The following EBF1 variants were observed in gnomAD, a reference collection of about 807,000 sequenced individuals.
EBF1 encodes transcription factor COE1.
EBF1 carries 10 observed loss-of-function variants against 68.4 expected under a neutral mutation model. The observed-to-expected ratio is 0.15, with a 90% CI of 0.09 to 0.25. The LOEUF (loss-of-function observed/expected upper bound fraction) is 0.25, where lower values mean the gene tolerates loss of function less well. EBF1 is among the 10% of genes least tolerant of loss of function. The pLI is 1.00. For synonymous variants in EBF1, 298 were observed against 299.8 expected (o/e 0.99, Z 0.06); for missense variants, 509 against 794.4 (o/e 0.64, Z 4.32).
intron 6 of EBF1, among the ~76,000 whole-genome samples, chr5:158,871,109 T>A (rs1796792402): frequency 6.6e-6 from 1 of 152,148 alleles, no homozygotes; most frequent in South Asian, 2.1e-4. Context: ...CAGCACACAT[T>A]CTAGAAAAGA....
Position 158,754,440 on chromosome 5 carries a change from G to A in EBF1, c.1036+22973C>T, listed in dbSNP as rs1023592708. On this transcript the variant is annotated intron_variant, in intron 10 of 15. Coordinates refer to ENST00000313708, the MANE Select transcript of EBF1 (RefSeq NM_024007.5). ...GCTCAACTGACAGTGCAGCCTGATC[G>A]CCACGATGTTGCAATAGAAGGAAAG... Among the ~76,000 whole-genome samples, 13 of 152,066 alleles carry A rather than the reference G, an allele frequency of 8.5e-5. No individual in the cohort carries two copies. In the East Asian group the frequency reaches 1.9e-3, roughly 23 times the overall value.
intron 6 of EBF1, among the ~76,000 whole-genome samples, chr5:158,876,682 T>C (rs1385891709): frequency 6.6e-6 from 1 of 152,206 alleles, no homozygotes. Context: ...TTGTGTTCAA[T>C]TTGGAGGCAT....
chr5:158,791,663 C>T (rs1778631370), intron 9 of EBF1, among the ~76,000 whole-genome samples: 1 of 151,952 alleles, frequency 6.6e-6, no homozygotes, highest in East Asian at 1.9e-4. Context: ...CCTAACATAC[C>T]TAACACAGAG....
intron 6 of EBF1, among the ~76,000 whole-genome samples, chr5:159,070,787 G>A (rs959828571): frequency 1.3e-5 from 2 of 152,158 alleles, no homozygotes; most frequent in Non-Finnish European, 2.9e-5. Flanking sequence ...TTTGAAAACA[G>A]TTACTATTGC....
intron 6 of EBF1, among the ~76,000 whole-genome samples, chr5:158,905,306 A>G (rs1804339932): frequency 6.6e-6 from 1 of 152,148 alleles, no homozygotes; most frequent in Non-Finnish European, 1.5e-5. Context: ...CCTAGCTCCT[A>G]TGTGAATGTA....
rs922303471 is a variant in EBF1 at position 159,096,326 on chromosome 5, C to A, written c.355+17G>T. 1.2e-6 allele frequency: 2 copies of A among 1,611,558 alleles called. No individual in the cohort carries two copies. The highest frequency in any genetic ancestry group is 2.7e-5 in the African/African-American group (2 of 74,904). On this transcript the variant is annotated intron_variant, in intron 3 of 15. Coordinates refer to ENST00000313708, the MANE Select transcript of EBF1 (RefSeq NM_024007.5). Reference sequence around the variant, plus strand: ...CGGAGCCCCAGGGTGAGGCCATAGACCCGACCCGGGCCTCACCATTGCTGT... The same window carrying A: ...CGGAGCCCCAGGGTGAGGCCATAGAACCGACCCGGGCCTCACCATTGCTGT...
intron 6 of EBF1, among the ~76,000 whole-genome samples, chr5:159,056,139 T>C (rs980944498): frequency 2.0e-5 from 3 of 152,188 alleles, no homozygotes; most frequent in Non-Finnish European, 4.4e-5. Context: ...GAATGATTTA[T>C]GACAATTTGG....
Position 158,696,002 on chromosome 5 carries a change from AAAT to A in EBF1, c.*3106_*3108del. Reference sequence around the variant, plus strand: ...TTGAATTTTTGCAAAAAAAAAAAAAAAATTTAACAATCTCTACAGTAGTTAGGT... The same window carrying A: ...TTGAATTTTTGCAAAAAAAAAAAAAATTAACAATCTCTACAGTAGTTAGGT... On this transcript the variant is annotated 3_prime_UTR_variant, in exon 16 of 16. Coordinates refer to ENST00000313708, the MANE Select transcript of EBF1 (RefSeq NM_024007.5). The A allele has an allele frequency of 5.1e-6, 1 of 196,538 alleles. No homozygotes were observed. The allele number at this position is 196,538 out of a possible 1,614,324, so 12.2% of individuals were successfully genotyped here. A position where few individuals can be genotyped will look rare whatever the true frequency, so the allele number is the denominator to read the frequency against.
intron 9 of EBF1, among the ~76,000 whole-genome samples, chr5:158,787,423 A>G (rs1036870804): frequency 6.6e-6 from 1 of 152,202 alleles, no homozygotes; most frequent in African/African-American, 2.4e-5. Flanking sequence ...AACAGATAAC[A>G]TAGTTTGTTA....
At chr5:158,883,312 A>T (rs1210571990) in intron 6 of EBF1, among the ~76,000 whole-genome samples, 1 of 150,788 alleles carries the variant, frequency 6.6e-6, no homozygotes, top group Non-Finnish European at 1.5e-5. Flanking sequence ...ATATACATAC[A>T]TACATGTGTA....
chr5:158,739,844 C>G (rs970822917), intron 10 of EBF1, among the ~76,000 whole-genome samples: 1 of 152,130 alleles, frequency 6.6e-6, no homozygotes, highest in Non-Finnish European at 1.5e-5. Context: ...TTCTTATATC[C>G]CCACCCCAGC....
intron 11 of EBF1, among the ~76,000 whole-genome samples, chr5:158,718,304 C>T (rs1761190759): frequency 6.6e-6 from 1 of 152,182 alleles, no homozygotes; most frequent in South Asian, 2.1e-4. Flanking sequence ...GTCCAGTCAT[C>T]TCTCCCTATG....
intron 6 of EBF1, among the ~76,000 whole-genome samples, chr5:159,023,738 T>A (rs989348976): frequency 1.3e-5 from 2 of 152,194 alleles, no homozygotes; most frequent in African/African-American, 4.8e-5. Flanking sequence ...ATAGGGAAAG[T>A]CTGATGCATC....
At chr5:158,883,582 T>A (rs1299088404) in intron 6 of EBF1, among the ~76,000 whole-genome samples, 2 of 152,058 alleles carry the variant, frequency 1.3e-5, no homozygotes, top group Non-Finnish European at 2.9e-5. Context: ...TAGCCTTGAA[T>A]CAGCACCAGG....
intron 6 of EBF1, among the ~76,000 whole-genome samples, chr5:159,029,734 C>T (rs1449878334): frequency 6.6e-6 from 1 of 152,114 alleles, no homozygotes; most frequent in Admixed American, 6.5e-5. Flanking sequence ...GCGGGTGGAT[C>T]ACTTGAGGTC....
At chr5:158,703,273 A>G (rs1757147220) in intron 15 of EBF1, among the ~76,000 whole-genome samples, 2 of 152,202 alleles carry the variant, frequency 1.3e-5, no homozygotes, top group Admixed American at 1.3e-4. Flanking sequence ...ACCAGGATTT[A>G]TCAATTACTT....
At chr5:158,719,382 T>C (rs556317366) in intron 11 of EBF1, among the ~76,000 whole-genome samples, 2 of 152,302 alleles carry the variant, frequency 1.3e-5, no homozygotes, top group South Asian at 2.1e-4. Context: ...CCCTTGGAAA[T>C]AGTTAGGTAT....
At chr5:158,889,659 T>G (rs1019959787) in intron 6 of EBF1, among the ~76,000 whole-genome samples, 2 of 152,158 alleles carry the variant, frequency 1.3e-5, no homozygotes, top group African/African-American at 4.8e-5. Flanking sequence ...CACAAATTAT[T>G]TGCTCAGATG....
At chr5:158,879,661 A>G (rs1392490451) in intron 6 of EBF1, among the ~76,000 whole-genome samples, 1 of 152,216 alleles carries the variant, frequency 6.6e-6, no homozygotes, top group East Asian at 1.9e-4. Flanking sequence ...ATGTATACAT[A>G]TGTAAGAAAT....
Sources: gnomAD v4.1 joint callset for allele counts (sites outside exome capture counted in the v4.1 genomes callset) on GRCh38, gnomAD v4.1.1 for gene constraint, MANE v1.5 for transcripts, NCBI Gene and HGNC (gene_info 2026-07-23, HGNC 2026-07-21) for gene names.